COL8A1: variants seen among roughly 807,000 people sequenced by gnomAD.
COL8A1 encodes the protein collagen alpha-1(VIII) chain.
In COL8A1, 21 loss-of-function variants were observed where a neutral mutation model predicts 42.7. The observed-to-expected ratio is 0.49, with a 90% CI of 0.35 to 0.71. COL8A1 has a LOEUF of 0.71. Ranked by LOEUF, COL8A1 falls within the 30% of genes least tolerant of loss-of-function variation. The probability of loss-of-function intolerance (pLI) is 0.01; values close to 1 mark genes in which losing one functional copy is unlikely to be tolerated. For missense variants in COL8A1, 788 were observed against 962.4 expected (o/e 0.82, Z 2.40); for synonymous variants, 367 against 369.1 (o/e 0.99, Z 0.06).
intron 1 of COL8A1, among the ~76,000 whole-genome samples, chr3:99,700,024 T>C (rs1164905163): frequency 6.6e-6 from 1 of 152,178 alleles, no homozygotes; most frequent in African/African-American, 2.4e-5. Flanking sequence ...GCATGAGTCA[T>C]CTAGGGATGT....
intron 1 of COL8A1, among the ~76,000 whole-genome samples, chr3:99,660,636 G>T (rs1938176179): frequency 6.6e-6 from 1 of 152,134 alleles, no homozygotes; most frequent in Admixed American, 6.5e-5. Context: ...ATGAATTGGG[G>T]TGGACTTATT....
In COL8A1 at chr3:99,795,791, G is replaced by T. The variant is rs1205277319; in HGVS notation, c.1890G>T (p.Gly630=). The change falls in exon 4 of 4, where the codon GGG becomes GGT. Residue 630 remains glycine (G), a synonymous_variant. Coordinates refer to ENST00000652472, the MANE Select transcript of COL8A1 (RefSeq NM_020351.4). ...TAACCGCACCTTTCCCACCGGTGGG[G>T]GCCCCAGTGAAGTTTAACAAACTGC... The part of the protein sequence containing the change: ...AELTAPFPPV[G]APVKFNKLLY... 1 of 1,614,012 alleles carries T rather than the reference G, an allele frequency of 6.2e-7. No homozygotes were observed. The highest frequency in any genetic ancestry group is 8.5e-7 in the Non-Finnish European group (1 of 1,180,024).
intron 1 of COL8A1, among the ~76,000 whole-genome samples, chr3:99,730,951 A>G (rs1244615478): frequency 2.6e-5 from 4 of 152,094 alleles, no homozygotes; most frequent in African/African-American, 9.7e-5. Flanking sequence ...TCATGTCATG[A>G]CGTTTCTTTT....
At chr3:99,675,266 T>C (rs2107317399) in intron 1 of COL8A1, among the ~76,000 whole-genome samples, 1 of 152,218 alleles carries the variant, frequency 6.6e-6, no homozygotes, top group East Asian at 1.9e-4. Flanking sequence ...TCTCTTTCAA[T>C]GGCTATCTTT....
chr3:99,646,331 T>C (rs73150248), intron 1 of COL8A1, among the ~76,000 whole-genome samples: 15,939 of 152,166 alleles, frequency 0.1, 913 homozygotes, highest in African/African-American at 0.14. Context: ...GAGATGAAGC[T>C]ATGGAGTTGG....
At chr3:99,646,090 G>T (rs1483385439) in intron 1 of COL8A1, among the ~76,000 whole-genome samples, 5 of 152,136 alleles carry the variant, frequency 3.3e-5, no homozygotes, top group African/African-American at 4.8e-5. Flanking sequence ...CCAGGGTCTT[G>T]CCTAGACTGA....
Position 99,794,816 on chromosome 3 carries a change from G to A in COL8A1, c.915G>A (p.Gly305=). Residue 305 remains glycine, a synonymous_variant, in exon 4 of 4, where the codon GGG becomes GGA. Coordinates refer to ENST00000652472, the MANE Select transcript of COL8A1 (RefSeq NM_020351.4). The surrounding 1 kb of genome is among the most constrained non-coding windows in gnomAD (Gnocchi z 4.3). ...CACAAGGCCCTATTGGGGTACCGGG[G>A]GTTCAAGGACCTCCTGGGATACCCG... The part of the protein sequence containing the change: ...PGPQGPIGVP[G]VQGPPGIPGI... 1 of 1,611,754 alleles carries A rather than the reference G, an allele frequency of 6.2e-7. No individual in the cohort carries two copies. The highest frequency in any genetic ancestry group is 8.5e-7 in the Non-Finnish European group (1 of 1,178,918).
At chr3:99,744,029 C>T (rs950529719) in intron 1 of COL8A1, among the ~76,000 whole-genome samples, 7 of 151,694 alleles carry the variant, frequency 4.6e-5, no homozygotes, top group Admixed American at 1.3e-4. Flanking sequence ...CCCAGGTTCA[C>T]GCCATTCTCC....
At chr3:99,750,631 T>C (rs1166127123) in intron 2 of COL8A1, among the ~76,000 whole-genome samples, 1 of 152,202 alleles carries the variant, frequency 6.6e-6, no homozygotes, top group Non-Finnish European at 1.5e-5. Context: ...ATAATAAATG[T>C]AATAGGTTCT....
At chr3:99,731,590 T>A (rs980614383) in intron 1 of COL8A1, among the ~76,000 whole-genome samples, 2 of 152,136 alleles carry the variant, frequency 1.3e-5, no homozygotes, top group East Asian at 3.9e-4. Context: ...CATGATCTGA[T>A]CTACATTTTT....
chr3:99,751,469 G>A (rs1295094948), intron 2 of COL8A1, among the ~76,000 whole-genome samples: 2 of 152,200 alleles, frequency 1.3e-5, no homozygotes, highest in Non-Finnish European at 2.9e-5. Flanking sequence ...GACGCAGGGA[G>A]AATTGCTTGA....
intron 1 of COL8A1, among the ~76,000 whole-genome samples, chr3:99,671,088 A>G (rs1938530090): frequency 6.6e-6 from 1 of 152,014 alleles, no homozygotes; most frequent in African/African-American, 2.4e-5. Flanking sequence ...CAAAATCCTC[A>G]AGGAAAAAAA....
chr3:99,642,364 C>T (rs1001256659), intron 1 of COL8A1, among the ~76,000 whole-genome samples: 7 of 152,238 alleles, frequency 4.6e-5, no homozygotes, highest in African/African-American at 1.7e-4. Context: ...CGTGTGTACT[C>T]AAATTCATGA....
chr3:99,639,703 C>T (rs969154329), intron 1 of COL8A1, among the ~76,000 whole-genome samples: 28 of 152,190 alleles, frequency 1.8e-4, no homozygotes, highest in Admixed American at 1.3e-4. Flanking sequence ...GACACTTGGT[C>T]CATGAAGTTT....
chr3:99,782,557 A>G (rs1211102589), intron 2 of COL8A1, among the ~76,000 whole-genome samples: 1 of 151,930 alleles, frequency 6.6e-6, no homozygotes, highest in Admixed American at 6.6e-5. Context: ...ATGCCCGGCT[A>G]ATTTTTGTAT....
At chr3:99,704,316 T>C (rs1939620452) in intron 1 of COL8A1, among the ~76,000 whole-genome samples, 1 of 152,096 alleles carries the variant, frequency 6.6e-6, no homozygotes, top group South Asian at 2.1e-4. Context: ...CTTAACACTT[T>C]AAAGGGAAAG....
chr3:99,681,857 A>C (rs1477458567), intron 1 of COL8A1, among the ~76,000 whole-genome samples: 2 of 152,190 alleles, frequency 1.3e-5, no homozygotes, highest in East Asian at 3.9e-4. Context: ...CCCTGTAAAA[A>C]AAGTGTTACC....
chr3:99,768,144 A>G (rs1941500376), intron 2 of COL8A1, among the ~76,000 whole-genome samples: 1 of 152,234 alleles, frequency 6.6e-6, no homozygotes. Flanking sequence ...GAAAGGTCCT[A>G]CATTCCTGGA....
At chr3:99,683,104 AAAG>A (rs1938940686) in intron 1 of COL8A1, among the ~76,000 whole-genome samples, 1 of 152,222 alleles carries the variant, frequency 6.6e-6, no homozygotes, top group Non-Finnish European at 1.5e-5. Flanking sequence ...AATTTTTTAA[AAAG>A]AAGTGTCTTA....
Sources: allele counts gnomAD v4.1 joint callset (sites outside exome capture counted in the v4.1 genomes callset), GRCh38; gene constraint gnomAD v4.1.1; non-coding constraint Gnocchi (gnomAD v3.1); transcripts MANE v1.5; gene names NCBI Gene and HGNC (gene_info 2026-07-23, HGNC 2026-07-21).